The following LRRIQ1 variants were observed in gnomAD, a reference collection of about 807,000 sequenced individuals.
The protein encoded by LRRIQ1 is leucine-rich repeat- and IQ domain-containing protein 1.
Under a neutral mutation model 211.9 loss-of-function variants are expected in LRRIQ1, and 210 were observed. The ratio of observed to expected loss-of-function variants is 0.99; its 90% CI spans 0.89 to 1.11. The LOEUF (loss-of-function observed/expected upper bound fraction) is 1.11, where lower values mean the gene tolerates loss of function less well. Ranked by LOEUF, LRRIQ1 falls within the 50% of genes most tolerant of loss-of-function variation. The pLI is 0.00. For synonymous variants in LRRIQ1, 699 were observed against 650.1 expected (o/e 1.08, Z -1.14); for missense variants, 2,136 against 1,939.5 (o/e 1.10, Z -1.90).
At chr12:85,189,096 C>T (rs1892367652) in intron 24 of LRRIQ1, among the ~76,000 whole-genome samples, 1 of 152,018 alleles carries the variant, frequency 6.6e-6, no homozygotes, top group Non-Finnish European at 1.5e-5. Flanking sequence ...AAGCAAAAAT[C>T]CCAGAAAAAA....
In LRRIQ1 at chr12:85,066,784, G is replaced by T; in HGVS notation, c.2581G>T (p.Glu861Ter). Residue 861 changes from glutamate (E) to a stop codon, truncating the protein, a stop_gained, in exon 10 of 27, where the codon GAA (glutamate) becomes TAA (stop). Coordinates refer to ENST00000393217, the MANE Select transcript of LRRIQ1 (RefSeq NM_001079910.2). LOFTEE classifies it high-confidence loss of function. Reference sequence around the variant, plus strand: ...TGAGGCTATTGAGTGTGAAAATTTGGAAAATCTCTGTGTTGTTCTTCTTAA... The same window carrying T: ...TGAGGCTATTGAGTGTGAAAATTTGTAAAATCTCTGTGTTGTTCTTCTTAA... ...HIEAIECENL[E>*]NLCVVLLNKN... The T allele has an allele frequency of 6.3e-7, 1 of 1,596,746 alleles. No individual in the cohort carries two copies.
intron 25 of LRRIQ1, 23 bp from the exon 26 acceptor site, chr12:85,232,673 T>C (rs1327295511): frequency 1.3e-6 from 2 of 1,592,316 alleles, no homozygotes; most frequent in Non-Finnish European, 1.7e-6. Context: ...TATAAAATAC[T>C]TTCTGTTTTT....
chr12:85,197,190 G>C (rs1454170736), intron 24 of LRRIQ1, among the ~76,000 whole-genome samples: 1 of 152,112 alleles, frequency 6.6e-6, no homozygotes, highest in Admixed American at 6.5e-5. Flanking sequence ...AGGTGCTGGA[G>C]AGGATGTGGA....
intron 24 of LRRIQ1, among the ~76,000 whole-genome samples, chr12:85,183,373 GC>G (rs1301337370): frequency 1.3e-5 from 2 of 151,836 alleles, no homozygotes; most frequent in African/African-American, 4.8e-5. Flanking sequence ...GACACTACAT[GC>G]CTTGTAGACT....
chr12:85,220,516 T>C (rs1317975963), intron 24 of LRRIQ1, among the ~76,000 whole-genome samples: 1 of 151,922 alleles, frequency 6.6e-6, no homozygotes, highest in Non-Finnish European at 1.5e-5. Context: ...TTGGTGAACT[T>C]CTTAAAACTA....
chr12:85,162,305 G>C (rs1030535211), intron 24 of LRRIQ1, among the ~76,000 whole-genome samples: 26 of 151,910 alleles, frequency 1.7e-4, no homozygotes, highest in Non-Finnish European at 1.9e-4. Flanking sequence ...AATAAGGCTT[G>C]GGTTTTAATC....
At chr12:85,039,780 T>C (rs1878646924) in intron 2 of LRRIQ1, among the ~76,000 whole-genome samples, 1 of 151,640 alleles carries the variant, frequency 6.6e-6, no homozygotes, top group Non-Finnish European at 1.5e-5. Flanking sequence ...TTGAGGTCCC[T>C]CAGTGAAGTG....
chr12:85,219,114 A>G (rs1334191856), intron 24 of LRRIQ1, among the ~76,000 whole-genome samples: 1 of 152,134 alleles, frequency 6.6e-6, no homozygotes, highest in Admixed American at 6.6e-5. Context: ...ATGTTAATGT[A>G]TATATGACTT....
intron 8 of LRRIQ1, among the ~76,000 whole-genome samples, chr12:85,064,255 T>C (rs1317757306): frequency 6.6e-6 from 1 of 151,976 alleles, no homozygotes; most frequent in Non-Finnish European, 1.5e-5. Context: ...CGTTTTGATT[T>C]ACATTTATCT....
intron 6 of LRRIQ1, among the ~76,000 whole-genome samples, chr12:85,049,341 G>T (rs7316900): frequency 0.6 from 90,276 of 151,512 alleles, 29,130 homozygotes; most frequent in African/African-American, 0.86. Context: ...CTTCCTCTTT[G>T]AATTACACAG....
At chr12:85,161,067 G>A (rs1000190103) in intron 24 of LRRIQ1, among the ~76,000 whole-genome samples, 2 of 152,010 alleles carry the variant, frequency 1.3e-5, no homozygotes, top group African/African-American at 2.4e-5. Context: ...ATGTCGAAAT[G>A]ATATTCTGTT....
At chr12:85,214,385 A>T (rs964845706) in intron 24 of LRRIQ1, among the ~76,000 whole-genome samples, 1 of 152,158 alleles carries the variant, frequency 6.6e-6, no homozygotes, top group African/African-American at 2.4e-5. Context: ...CAAAATCCAC[A>T]AATAGCCAAT....
intron 3 of LRRIQ1, among the ~76,000 whole-genome samples, chr12:85,040,966 A>G (rs1162898770): frequency 1.3e-5 from 2 of 151,636 alleles, no homozygotes; most frequent in Non-Finnish European, 3.0e-5. Context: ...GAAAAGCCCA[A>G]CAGTATTTTG....
chr12:85,219,523 C>A (rs1894302882), intron 24 of LRRIQ1, among the ~76,000 whole-genome samples: 1 of 151,944 alleles, frequency 6.6e-6, no homozygotes, highest in Non-Finnish European at 1.5e-5. Context: ...TATCCCATAC[C>A]CCAAATGGAC....
intron 11 of LRRIQ1, among the ~76,000 whole-genome samples, chr12:85,084,185 C>G (rs1450763097): frequency 6.6e-6 from 1 of 151,894 alleles, no homozygotes; most frequent in African/African-American, 2.4e-5. Context: ...AAATTAGAAA[C>G]AAAAATCACA....
At chr12:85,106,722 A>C (rs950491301) in intron 15 of LRRIQ1, 107 bp downstream of exon 15, 4 of 734,434 alleles carry the variant, frequency 5.4e-6, no homozygotes, top group Non-Finnish European at 8.9e-6. Flanking sequence ...AAGTTAATTA[A>C]AAAATTAAAA....
chr12:85,085,854 G>A (rs1884763046), intron 11 of LRRIQ1, among the ~76,000 whole-genome samples: 1 of 152,134 alleles, frequency 6.6e-6, no homozygotes, highest in Non-Finnish European at 1.5e-5. Flanking sequence ...AGTCATCTAG[G>A]TTGATTCCAT....
Position 85,091,471 on chromosome 12 carries a change from C to G in LRRIQ1, c.2888-6884C>G, listed in dbSNP as rs138032709. On this transcript the variant is annotated intron_variant, in intron 11 of 26. Coordinates refer to ENST00000393217, the MANE Select transcript of LRRIQ1 (RefSeq NM_001079910.2). ...TGTCTGTTTACTCTGTTGATAGTTT[C>G]TTTTGCTTTACAGAAGCTCTTTAGT... is the stretch of plus-strand genomic sequence containing the variant. 6.5e-3 allele frequency among the ~76,000 whole-genome samples: 994 copies of G among 152,124 alleles called. 6 individuals are homozygous for G. The highest frequency in any genetic ancestry group is 8.0e-3 in the Non-Finnish European group (543 of 67,990).
At chr12:85,068,345 T>C (rs1882668024) in intron 10 of LRRIQ1, among the ~76,000 whole-genome samples, 1 of 151,926 alleles carries the variant, frequency 6.6e-6, no homozygotes, top group Admixed American at 6.6e-5. Context: ...CTAGTCCTGG[T>C]TATACTATTA....
Sources: gnomAD v4.1 joint callset for allele counts (sites outside exome capture counted in the v4.1 genomes callset) on GRCh38, gnomAD v4.1.1 for gene constraint, MANE v1.5 for transcripts, NCBI Gene and HGNC (gene_info 2026-07-23, HGNC 2026-07-21) for gene names.